SEPTIN11: variants seen among roughly 807,000 people sequenced by gnomAD.
SEPTIN11 encodes septin-11.
SEPTIN11 carries 25 observed loss-of-function variants against 51.4 expected under a neutral mutation model. That is an observed-to-expected ratio of 0.49 (90% CI 0.35 to 0.68). SEPTIN11 has a LOEUF of 0.68. SEPTIN11 is among the 30% of genes least tolerant of loss of function. The pLI is 0.00. For missense variants in SEPTIN11, 381 were observed against 520.8 expected (o/e 0.73, Z 2.61); for synonymous variants, 174 against 184.1 (o/e 0.95, Z 0.44).
chr4:76,975,488 G>A (rs1162576936), intron 1 of SEPTIN11, among the ~76,000 whole-genome samples: 2 of 152,096 alleles, frequency 1.3e-5, no homozygotes, highest in Admixed American at 6.5e-5. Context: ...CTTATTACAT[G>A]TTAATGTAAA....
chr4:76,959,270 A>T (rs2645686), intron 1 of SEPTIN11: 89,143 of 152,782 alleles, frequency 0.58, 26,263 homozygotes, highest in Admixed American at 0.63. Flanking sequence ...TTTTTTTTTA[A>T]AAATAATAAT....
At chr4:76,960,402 C>T (rs1721777649) in intron 1 of SEPTIN11, among the ~76,000 whole-genome samples, 1 of 152,164 alleles carries the variant, frequency 6.6e-6, no homozygotes, top group African/African-American at 2.4e-5. Flanking sequence ...ATCAAATTTG[C>T]TCCTTCAGAA....
chr4:76,949,961 C>A, intron 1 of SEPTIN11, 31 bp downstream of exon 1: 1 of 1,442,240 alleles, frequency 6.9e-7, no homozygotes, highest in African/African-American at 1.5e-5. Flanking sequence ...TGCTGCTCCT[C>A]GGGCGCCGGG....
At chr4:77,018,166 A>G (rs540403921) in intron 5 of SEPTIN11, among the ~76,000 whole-genome samples, 30 of 152,102 alleles carry the variant, frequency 2.0e-4, no homozygotes, top group South Asian at 4.1e-4. Flanking sequence ...TAGGCTGGGC[A>G]CGGTGACTCA....
chr4:76,956,984 G>A (rs1721584921), intron 1 of SEPTIN11, among the ~76,000 whole-genome samples: 1 of 140,456 alleles, frequency 7.1e-6, no homozygotes, highest in Non-Finnish European at 1.5e-5. Context: ...GTGTGTGTGT[G>A]TGTGTGTGTG....
chr4:77,013,304 A>G (rs759081266), intron 4 of SEPTIN11, among the ~76,000 whole-genome samples: 4 of 152,262 alleles, frequency 2.6e-5, no homozygotes, highest in Non-Finnish European at 5.9e-5. Flanking sequence ...AGAGCTAGCT[A>G]GCATCTGAAA....
At position 77,023,292 on chromosome 4, in the gene SEPTIN11, A is replaced by ACC. The variant is rs1333951422; in HGVS notation, c.953+2623_953+2624insCC. Among the ~76,000 whole-genome samples, 264 of 147,902 alleles carry ACC rather than the reference A, an allele frequency of 1.8e-3. 1 individual carries two copies. Among genetic ancestry groups the ACC allele is most frequent in the African/African-American group, 6.1e-3 (247 of 40,540 alleles). On this transcript the variant is annotated intron_variant, in intron 7 of 9. Transcript: ENST00000264893. ...TATACACACACACACACACACACACACACACACACAATATATATATAAAAT... is the reference window on the plus strand; with the variant it reads ...TATACACACACACACACACACACACACCCACACACACAATATATATATAAAAT...
At chr4:77,039,196 G>T (rs1337944784), downstream of SEPTIN11, 2 of 1,263,672 alleles carry the variant, frequency 1.6e-6, no homozygotes, top group Non-Finnish European at 2.0e-6. Context: ...TTCCACCATC[G>T]CCTCCTGTTC....
intron 1 of SEPTIN11, among the ~76,000 whole-genome samples, chr4:76,976,027 G>A (rs1427833110): frequency 2.0e-5 from 3 of 152,124 alleles, no homozygotes; most frequent in Admixed American, 2.0e-4. Flanking sequence ...GATACCATGG[G>A]GCTTCAAAGC....
At chr4:76,966,512 T>A (rs935673528) in intron 1 of SEPTIN11, among the ~76,000 whole-genome samples, 1 of 152,044 alleles carries the variant, frequency 6.6e-6, no homozygotes, top group African/African-American at 2.4e-5. Flanking sequence ...TTCCAGTGAT[T>A]TTCTAATAGA....
At chr4:76,950,040 G>A in intron 1 of SEPTIN11, 110 bp downstream of exon 1, 2 of 1,169,650 alleles carry the variant, frequency 1.7e-6, no homozygotes, top group Non-Finnish European at 1.1e-6. Context: ...GCCCCGCGGC[G>A]GCGGCGACGG....
chr4:76,956,993 T>A (rs760391556), intron 1 of SEPTIN11, among the ~76,000 whole-genome samples: 113 of 98,574 alleles, frequency 1.1e-3, no homozygotes, highest in Middle Eastern at 5.4e-3. Flanking sequence ...TGTGTGTGTG[T>A]GAGAGAGAGA....
intron 2 of SEPTIN11, among the ~76,000 whole-genome samples, chr4:76,997,214 G>A (rs965609229): frequency 6.6e-6 from 1 of 152,196 alleles, no homozygotes; most frequent in Non-Finnish European, 1.5e-5. Context: ...TGAAACAGCA[G>A]TGAAGTGGTT....
chr4:77,028,806 G>A, intron 8 of SEPTIN11, 45 bp downstream of exon 8: 3 of 1,573,570 alleles, frequency 1.9e-6, no homozygotes, highest in Non-Finnish European at 2.6e-6. Context: ...GTAAGAGAGA[G>A]ATTTTCTAAA....
chr4:77,017,829 A>G (rs1725406467), intron 5 of SEPTIN11, among the ~76,000 whole-genome samples: 1 of 152,238 alleles, frequency 6.6e-6, no homozygotes, highest in Non-Finnish European at 1.5e-5. Context: ...CTCACTCAGA[A>G]TGCAGTGATA....
intron 1 of SEPTIN11, among the ~76,000 whole-genome samples, chr4:76,964,527 G>A (rs1309928956): frequency 1.3e-5 from 2 of 152,180 alleles, no homozygotes; most frequent in Non-Finnish European, 1.5e-5. Context: ...ATCAAGGAGA[G>A]ATACTCGAGG....
At chr4:76,995,709 C>A in intron 1 of SEPTIN11, 1 of 1,286,054 alleles carries the variant, frequency 7.8e-7, no homozygotes, top group Non-Finnish European at 1.0e-6. Context: ...CATAAATCAC[C>A]CAGTGATTTT....
At chr4:77,001,089 G>A (rs766689430) in intron 2 of SEPTIN11, among the ~76,000 whole-genome samples, 34 of 152,122 alleles carry the variant, frequency 2.2e-4, no homozygotes, top group Non-Finnish European at 2.2e-4. Flanking sequence ...AGAGCTCGTA[G>A]GTTAAATAAG....
chr4:77,006,926 G>A (rs567419393), intron 3 of SEPTIN11, among the ~76,000 whole-genome samples: 2 of 152,268 alleles, frequency 1.3e-5, no homozygotes, highest in East Asian at 3.9e-4. Flanking sequence ...TATCTACAAA[G>A]CACTTTAAAT....
Sources: gnomAD v4.1 joint callset for allele counts (sites outside exome capture counted in the v4.1 genomes callset) on GRCh38, gnomAD v4.1.1 for gene constraint, MANE v1.5 for transcripts, NCBI Gene and HGNC (gene_info 2026-07-23, HGNC 2026-07-21) for gene names.